SHTN1: variants seen among roughly 807,000 people sequenced by gnomAD.
SHTN1 encodes the protein shootin 1.
A neutral mutation model predicts 83.1 loss-of-function variants in SHTN1; 42 were observed. The observed-to-expected ratio is 0.51, with a 90% CI of 0.39 to 0.65. The LOEUF (loss-of-function observed/expected upper bound fraction) is 0.65. SHTN1 is among the 30% of genes least tolerant of loss of function. The pLI, the probability that SHTN1 is intolerant of heterozygous loss-of-function variation, is 0.00. For synonymous variants in SHTN1, 224 were observed against 247.7 expected, an observed-to-expected ratio of 0.90 and a Z score of 0.90; for missense variants, 622 against 737.8, an observed-to-expected ratio of 0.84 and a Z score of 1.82.
chr10:117,058,371 A>G (rs2133593619), intron 1 of SHTN1, among the ~76,000 whole-genome samples: 1 of 152,336 alleles, frequency 6.6e-6, no homozygotes, highest in African/African-American at 2.4e-5. Context: ...AAATGAATTG[A>G]ATGGACATTT....
rs1048375050 is a variant in SHTN1 at position 116,881,991 on chromosome 10, C to T, written c.*4353G>A. ...TCCACACTCAGTCAAACACCCCATC[C>T]TTTACCAATCAGAATATCTCTGAGA... On this transcript the variant is annotated 3_prime_UTR_variant, in exon 17 of 17. Transcript: ENST00000355371. The T allele has an allele frequency of 5.8e-5, 12 of 208,176 alleles. No homozygotes were observed. Among genetic ancestry groups the T allele is most frequent in the Admixed American group, 5.9e-5 (1 of 16,904 alleles). The allele number at this position is 208,176 out of a possible 1,614,324, so 12.9% of individuals were successfully genotyped here. A position where few individuals can be genotyped will look rare whatever the true frequency, so the allele number is the denominator to read the frequency against.
rs1469088956 is a variant in SHTN1, at chr10:116,906,820, A to C, written c.1360-73T>G. ...ATATACAAAAGAATATAAAAATCAA[A>C]CCATGAAAACATTACCAGAATTTGA... On this transcript the variant is annotated intron_variant, in intron 14 of 16. Coordinates refer to ENST00000355371, the MANE Select transcript of SHTN1 (RefSeq NM_001127211.3). 3.3e-6 allele frequency: 4 copies of C among 1,224,258 alleles called. No homozygotes were observed. In the African/African-American group the frequency reaches 4.7e-5, roughly 14 times the overall value. The allele number at this position is 1,224,258 out of a possible 1,614,324, so 75.8% of individuals were successfully genotyped here.
intron 2 of SHTN1, among the ~76,000 whole-genome samples, chr10:117,013,791 G>A (rs996390932): frequency 6.6e-6 from 1 of 152,146 alleles, no homozygotes; most frequent in Non-Finnish European, 1.5e-5. Context: ...GAAAACTTAT[G>A]TTCACAGAAA....
chr10:116,982,319 T>C (rs1294902854), intron 1 of SHTN1, among the ~76,000 whole-genome samples: 1 of 152,122 alleles, frequency 6.6e-6, no homozygotes, highest in Non-Finnish European at 1.5e-5. Flanking sequence ...ATGTACAACT[T>C]TGAAGTAAGG....
At position 116,883,847 on chromosome 10, in the gene SHTN1, G is replaced by T. The variant is rs1847089213; in HGVS notation, c.*2497C>A. The T allele has an allele frequency of 5.4e-6, 1 of 183,736 alleles. No individual in the cohort carries two copies. Among genetic ancestry groups the T allele is most frequent in the Non-Finnish European group, 1.2e-5 (1 of 86,254 alleles). 11.4% of individuals were successfully genotyped at this position (183,736 alleles called of 1,614,324 possible). A position where few individuals can be genotyped will look rare whatever the true frequency, so the allele number is the denominator to read the frequency against. ...TGTTCAGCTGCTGAAACTGCTGTGG[G>T]TGAGGACTTTGTTTGAGACCAGCTC... On this transcript the variant is annotated 3_prime_UTR_variant, in exon 17 of 17. Coordinates refer to ENST00000355371, the MANE Select transcript of SHTN1 (RefSeq NM_001127211.3).
At chr10:117,010,124 T>C (rs1361288289), upstream of SHTN1, among the ~76,000 whole-genome samples, 1 of 151,736 alleles carries the variant, frequency 6.6e-6, no homozygotes, top group African/African-American at 2.4e-5. Flanking sequence ...AGAAAAATAA[T>C]AGAATTAATA....
chr10:117,023,018 C>T (rs190412558), intron 2 of SHTN1, among the ~76,000 whole-genome samples: 161 of 152,334 alleles, frequency 1.1e-3, no homozygotes, highest in African/African-American at 3.1e-3. Context: ...TATGGCTACA[C>T]TGCCAATGCC....
chr10:117,005,113 A>C lies in SHTN1; in HGVS notation c.-34T>G, dbSNP rs770355849. The C allele has an allele frequency of 4.4e-6, 7 of 1,576,556 alleles. No homozygotes were observed. Among genetic ancestry groups the C allele is most frequent in the Middle Eastern group, 3.3e-4 (2 of 5,974 alleles). ...GTGGGGCCGGGAATAAAAGGGAAAGAGGGAGCGGCGCGGGGCACACAGGAG... is the reference window on the plus strand; with the variant it reads ...GTGGGGCCGGGAATAAAAGGGAAAGCGGGAGCGGCGCGGGGCACACAGGAG... On this transcript the variant is annotated 5_prime_UTR_variant, in exon 1 of 17. Transcript: ENST00000355371.
chr10:116,938,250 GT>G (rs940514778), intron 9 of SHTN1, among the ~76,000 whole-genome samples: 15 of 151,976 alleles, frequency 9.9e-5, no homozygotes, highest in African/African-American at 3.6e-4. Flanking sequence ...AGGCATTCTG[GT>G]TTTTGGAATT....
At chr10:116,966,374 C>T (rs1219838822) in intron 3 of SHTN1, among the ~76,000 whole-genome samples, 1 of 151,986 alleles carries the variant, frequency 6.6e-6, no homozygotes, top group Non-Finnish European at 1.5e-5. Context: ...TGTGAGTTAC[C>T]AAGAGAGTAA....
upstream of SHTN1, among the ~76,000 whole-genome samples, chr10:117,006,565 C>CA (rs35193104): frequency 0.012 from 1,090 of 92,484 alleles, 15 homozygotes; most frequent in African/African-American, 0.034. Flanking sequence ...GACTCCGTCT[C>CA]AAAAAAAAAA....
At chr10:117,059,898 T>C (rs542353582) in intron 1 of SHTN1, among the ~76,000 whole-genome samples, 2 of 152,302 alleles carry the variant, frequency 1.3e-5, no homozygotes, top group South Asian at 2.1e-4. Flanking sequence ...TCTATAATTA[T>C]GTCAAAATAA....
intron 1 of SHTN1, among the ~76,000 whole-genome samples, chr10:117,114,180 G>C (rs956073177): frequency 5.3e-5 from 8 of 152,222 alleles, no homozygotes; most frequent in Admixed American, 5.2e-4. Flanking sequence ...CTGTACTCCA[G>C]TCTGGGTGAT....
intron 1 of SHTN1, among the ~76,000 whole-genome samples, chr10:116,979,803 T>C (rs1905539): frequency 0.24 from 35,885 of 152,182 alleles, 4,338 homozygotes; most frequent in East Asian, 0.31. Flanking sequence ...GGTATTGTAA[T>C]CAGAGATTTA....
At chr10:117,091,094 A>G (rs1411758883) in intron 1 of SHTN1, among the ~76,000 whole-genome samples, 1 of 152,066 alleles carries the variant, frequency 6.6e-6, no homozygotes, top group Non-Finnish European at 1.5e-5. Context: ...ATTTCTCTTG[A>G]CCTCTGTTCC....
At chr10:116,891,736 C>T (rs1847348458) in intron 16 of SHTN1, among the ~76,000 whole-genome samples, 1 of 151,888 alleles carries the variant, frequency 6.6e-6, no homozygotes, top group African/African-American at 2.4e-5. Context: ...TTGTCCAAAA[C>T]TTCACAAATT....
At chr10:117,055,463 T>G (rs1311608387) in intron 1 of SHTN1, among the ~76,000 whole-genome samples, 1 of 152,170 alleles carries the variant, frequency 6.6e-6, no homozygotes, top group Non-Finnish European at 1.5e-5. Flanking sequence ...GAGTGCCTGG[T>G]TAATGGGTAT....
intron 2 of SHTN1, among the ~76,000 whole-genome samples, chr10:117,032,509 A>T (rs1347563009): frequency 5.3e-5 from 8 of 152,088 alleles, no homozygotes; most frequent in Non-Finnish European, 1.5e-5. Flanking sequence ...CAGCCATATA[A>T]CAATTTTAAA....
At chr10:117,050,069 G>A (rs529820754) in intron 1 of SHTN1, among the ~76,000 whole-genome samples, 2 of 152,300 alleles carry the variant, frequency 1.3e-5, no homozygotes, top group South Asian at 2.1e-4. Flanking sequence ...GTATGAGCCT[G>A]TAGTTTCAGC....
Sources: allele counts gnomAD v4.1 joint callset (sites outside exome capture counted in the v4.1 genomes callset), GRCh38; gene constraint gnomAD v4.1.1; transcripts MANE v1.5; gene names NCBI Gene and HGNC (gene_info 2026-07-23, HGNC 2026-07-21).